Variants in GPHN observed in about 807,000 individuals in gnomAD.
The protein encoded by GPHN is gephyrin.
GPHN carries 17 observed loss-of-function variants against 95.5 expected under a neutral mutation model. The ratio of observed to expected loss-of-function variants is 0.18; its 90% CI spans 0.12 to 0.27. The LOEUF is 0.27. Among genes scored for constraint, GPHN ranks in the 10% least tolerant of loss-of-function variants. The pLI is 1.00. For missense variants in GPHN, 660 were observed against 978.1 expected (o/e 0.67, Z 4.34); for synonymous variants, 320 against 322.5 (o/e 0.99, Z 0.08).
the GPHN span, among the ~76,000 whole-genome samples, chr14:67,481,450 G>A: frequency 6.6e-6 from 1 of 152,158 alleles, no homozygotes; most frequent in Admixed American, 6.5e-5. Context: ...AGAACTAGGA[G>A]AACATAGCTG....
chr14:67,696,896 C>A, the GPHN span, among the ~76,000 whole-genome samples: 1 of 152,168 alleles, frequency 6.6e-6, no homozygotes, highest in Non-Finnish European at 1.5e-5. Flanking sequence ...TATTTTATAG[C>A]AAATTGGAGA....
chr14:67,107,878 G>A (rs543640149), intron 13 of GPHN, among the ~76,000 whole-genome samples: 4 of 152,152 alleles, frequency 2.6e-5, no homozygotes, highest in Non-Finnish European at 5.9e-5. Flanking sequence ...TTGGCCTGTA[G>A]GTCAGGATAT....
chr14:66,940,155 T>C (rs1224399141), intron 8 of GPHN, among the ~76,000 whole-genome samples: 3 of 151,436 alleles, frequency 2.0e-5, no homozygotes, highest in Non-Finnish European at 2.9e-5. Context: ...GTTTGGAAGA[T>C]GTATCCAAAG....
At chr14:67,589,986 G>C in the GPHN span, 2 of 1,452,546 alleles carry the variant, frequency 1.4e-6, no homozygotes. Flanking sequence ...CTAGGACTGT[G>C]TCCACCTGAT....
At position 66,956,577 on chromosome 14, in the gene GPHN, C is replaced by T. The variant is rs2068520750; in HGVS notation, c.829-8614C>T. Among the ~76,000 whole-genome samples the T allele has an allele frequency of 2.6e-5, 4 of 152,044 alleles. No individual in the cohort carries two copies. The South Asian group carries it at 8.3e-4, about 32-fold the overall frequency. On this transcript the variant is annotated intron_variant, in intron 8 of 22. Transcript: ENST00000478722. ...TCCTGACTTTTTAATGATCGCCATTCTAACTGGTGTGAGATGGTATCTCAT... is the reference window on the plus strand; with the variant it reads ...TCCTGACTTTTTAATGATCGCCATTTTAACTGGTGTGAGATGGTATCTCAT...
intron 1 of GPHN, among the ~76,000 whole-genome samples, chr14:66,660,798 C>A (rs1284174403): frequency 6.6e-6 from 1 of 152,062 alleles, no homozygotes; most frequent in African/African-American, 2.4e-5. Flanking sequence ...AAGAGCAGGA[C>A]AGGGCAGGGC....
the GPHN span, among the ~76,000 whole-genome samples, chr14:67,332,101 G>A: frequency 1.3e-5 from 2 of 152,176 alleles, no homozygotes; most frequent in African/African-American, 4.8e-5. Context: ...ATTTTGTCTT[G>A]AGTTTAAGTT....
intron 2 of GPHN, among the ~76,000 whole-genome samples, chr14:66,728,206 T>A (rs183244162): frequency 6.6e-6 from 1 of 152,102 alleles, no homozygotes; most frequent in East Asian, 1.9e-4. Context: ...AGAGGATGGA[T>A]GGAAATGCCT....
intron 1 of GPHN, among the ~76,000 whole-genome samples, chr14:66,543,642 T>C (rs1304551392): frequency 6.6e-6 from 1 of 152,244 alleles, no homozygotes; most frequent in Non-Finnish European, 1.5e-5. Context: ...TTGCTCTTCC[T>C]AGAGTATTTG....
chr14:67,715,616 T>C, the GPHN span, among the ~76,000 whole-genome samples: 1 of 152,214 alleles, frequency 6.6e-6, no homozygotes, highest in Non-Finnish European at 1.5e-5. Flanking sequence ...TCATTTCTAC[T>C]TTACTCTATT....
the GPHN span, chr14:67,279,309 A>G: frequency 6.2e-7 from 1 of 1,614,008 alleles, no homozygotes; most frequent in Non-Finnish European, 8.5e-7. Context: ...GGGCACCAGG[A>G]TGATGCCAAT....
intron 17 of GPHN, among the ~76,000 whole-genome samples, chr14:67,139,744 A>G (rs949175325): frequency 1.3e-5 from 2 of 152,142 alleles, no homozygotes; most frequent in Non-Finnish European, 2.9e-5. Context: ...CTAGTAAGGC[A>G]GGATGTCTGA....
the GPHN span, chr14:67,199,741 A>T: frequency 6.4e-7 from 1 of 1,568,020 alleles, no homozygotes; most frequent in East Asian, 2.2e-5. Flanking sequence ...TGGTATCATC[A>T]TTGGGGTCTG....
intron 5 of GPHN, among the ~76,000 whole-genome samples, chr14:66,905,597 T>G (rs539924577): frequency 6.6e-6 from 1 of 152,262 alleles, no homozygotes; most frequent in Non-Finnish European, 1.5e-5. Context: ...ACTTTTAGAT[T>G]CAGGGGTACA....
chr14:66,718,874 C>G (rs1200608382), intron 2 of GPHN, among the ~76,000 whole-genome samples: 1 of 152,136 alleles, frequency 6.6e-6, no homozygotes. Context: ...TTGGGCAGGT[C>G]TTGCTGCAGC....
chr14:67,039,658 G>A (rs1357836300), intron 10 of GPHN, among the ~76,000 whole-genome samples: 1 of 152,076 alleles, frequency 6.6e-6, no homozygotes, highest in Non-Finnish European at 1.5e-5. Context: ...GTTGGATGTG[G>A]TGGCACATGC....
At chr14:67,529,038 C>T in the GPHN span, among the ~76,000 whole-genome samples, 6 of 152,276 alleles carry the variant, frequency 3.9e-5, no homozygotes, top group South Asian at 8.3e-4. Flanking sequence ...AGTCTTTGGG[C>T]GCCTTGCTAG....
chr14:66,870,580 G>A (rs1232750416), intron 4 of GPHN, among the ~76,000 whole-genome samples: 1 of 152,048 alleles, frequency 6.6e-6, no homozygotes, highest in African/African-American at 2.4e-5. Context: ...TTTATACCCT[G>A]AAAAATATTT....
intron 8 of GPHN, among the ~76,000 whole-genome samples, chr14:66,935,945 G>T (rs2067110533): frequency 6.6e-6 from 1 of 152,084 alleles, no homozygotes; most frequent in Admixed American, 6.6e-5. Context: ...CTACTTAGTG[G>T]CTGAACTGGT....
Sources: allele counts gnomAD v4.1 joint callset (sites outside exome capture counted in the v4.1 genomes callset), GRCh38; gene constraint gnomAD v4.1.1; transcripts MANE v1.5; gene names NCBI Gene and HGNC (gene_info 2026-07-23, HGNC 2026-07-21).